The following PXK variants were observed in gnomAD, a reference collection of about 807,000 sequenced individuals.
The protein encoded by PXK is PX domain containing serine/threonine kinase like, also known as PX domain-containing protein kinase-like protein.
PXK carries 35 observed loss-of-function variants against 84.7 expected under a neutral mutation model. The ratio of observed to expected loss-of-function variants is 0.41; its 90% CI spans 0.32 to 0.55. PXK has a LOEUF of 0.55. Ranked by LOEUF, PXK falls within the 20% of genes least tolerant of loss-of-function variation. The pLI is 0.21. For missense variants in PXK, 634 were observed against 699.7 expected (o/e 0.91, Z 1.06); for synonymous variants, 253 against 260.8 (o/e 0.97, Z 0.29).
At chr3:58,377,598 CTCTT>C (rs2098454293) in intron 3 of PXK, among the ~76,000 whole-genome samples, 1 of 145,294 alleles carries the variant, frequency 6.9e-6, no homozygotes, top group Non-Finnish European at 1.5e-5. Flanking sequence ...GAGACCCTAT[CTCTT>C]TCTAAAAAAA....
At chr3:58,376,345 G>C (rs1171209413) in intron 3 of PXK, among the ~76,000 whole-genome samples, 1 of 152,164 alleles carries the variant, frequency 6.6e-6, no homozygotes, top group African/African-American at 2.4e-5. Context: ...AACCCAGGAG[G>C]CGGAGGTTGC....
chr3:58,372,705 C>A (rs574157747), intron 3 of PXK, among the ~76,000 whole-genome samples: 2 of 151,820 alleles, frequency 1.3e-5, no homozygotes, highest in East Asian at 3.9e-4. Context: ...TGGCTCACTG[C>A]AATCTCTGCC....
At chr3:58,340,891 G>C (rs1575669547) in intron 1 of PXK, among the ~76,000 whole-genome samples, 7 of 152,172 alleles carry the variant, frequency 4.6e-5, no homozygotes, top group Admixed American at 4.6e-4. Flanking sequence ...AGCACCCTGA[G>C]AAAGGGGGAA....
At chr3:58,346,770 A>C in intron 1 of PXK, among the ~76,000 whole-genome samples, 1 of 143,696 alleles carries the variant, frequency 7.0e-6, no homozygotes, top group African/African-American at 2.6e-5. Context: ...CGGTCCTCCC[A>C]CTTCAGCCTC....
Position 58,410,076 on chromosome 3 carries a change from T to G in PXK, c.1396-14T>G, listed in dbSNP as rs376430926. The G allele has an allele frequency of 5.8e-6, 9 of 1,554,504 alleles. No homozygotes were observed. Among genetic ancestry groups the G allele is most frequent in the Non-Finnish European group, 8.0e-6 (9 of 1,126,562 alleles). ...TTCCTCTCCCTCCCTCCCCCTTTTCTTTTATTCTTAAAGAAGTCAAAACGA... is the reference window on the plus strand; with the variant it reads ...TTCCTCTCCCTCCCTCCCCCTTTTCGTTTATTCTTAAAGAAGTCAAAACGA... On this transcript the variant is annotated splice_polypyrimidine_tract_variant and intron_variant, in intron 15 of 17. Coordinates refer to ENST00000356151, the MANE Select transcript of PXK (RefSeq NM_017771.5).
At chr3:58,406,172 G>T (rs975935828) in intron 13 of PXK, among the ~76,000 whole-genome samples, 2 of 152,020 alleles carry the variant, frequency 1.3e-5, no homozygotes, top group Admixed American at 1.3e-4. Context: ...TCATTATGTT[G>T]GTCAGGCTGG....
chr3:58,366,056 A>G lies in PXK; in HGVS notation c.153+132A>G, dbSNP rs935403661. 1.3e-5 allele frequency: 10 copies of G among 781,252 alleles called. No individual in the cohort carries two copies. In the South Asian group the frequency reaches 1.7e-4, roughly 13 times the overall value. 48.4% of individuals were successfully genotyped at this position (781,252 alleles called of 1,614,324 possible). On this transcript the variant is annotated intron_variant, in intron 2 of 17. Transcript: ENST00000356151. ...AATATAAATCATGTTTCTTTTAGCTATAAACTTTTAGCTTTAAGACAAGTA... is the reference window on the plus strand; with the variant it reads ...AATATAAATCATGTTTCTTTTAGCTGTAAACTTTTAGCTTTAAGACAAGTA...
rs572208392 is a variant in PXK at position 58,359,446 on chromosome 3, G to A, written c.103-6428G>A. Among the ~76,000 whole-genome samples, 8 of 151,252 alleles carry A rather than the reference G, an allele frequency of 5.3e-5. No homozygotes were observed. In the South Asian group the frequency reaches 1.0e-3, roughly 20 times the overall value. ...CTCGGGAGGCTGAGGTGGGAGAATC[G>A]CTTGAACTAGGGAGTCAGAGGTTGC... On this transcript the variant is annotated intron_variant, in intron 1 of 17. Transcript: ENST00000356151.
At chr3:58,368,054 C>T (rs9860970) in intron 2 of PXK, among the ~76,000 whole-genome samples, 11,074 of 152,128 alleles carry the variant, frequency 0.073, 519 homozygotes, top group South Asian at 0.1. Flanking sequence ...CCAGACTGGT[C>T]TTTAACTCCT....
intron 13 of PXK, among the ~76,000 whole-genome samples, chr3:58,405,738 G>A (rs913402179): frequency 6.7e-6 from 1 of 150,364 alleles, no homozygotes; most frequent in African/African-American, 2.4e-5. Context: ...AGATCATGCC[G>A]GTACACTCCA....
At chr3:58,342,647 A>G (rs113485673) in intron 1 of PXK, among the ~76,000 whole-genome samples, 19 of 138,798 alleles carry the variant, frequency 1.4e-4, no homozygotes, top group Non-Finnish European at 6.0e-5. Flanking sequence ...AAAAAAAAAA[A>G]AAAAGAAAAG....
At position 58,421,227 on chromosome 3, in the gene PXK, G is replaced by A. The variant is rs2107795874; in HGVS notation, c.1529-3525G>A. On this transcript the variant is annotated intron_variant, in intron 17 of 17. Transcript: ENST00000356151. This position sits in a 1 kb window ranked among gnomAD's most constrained non-coding sequence, Gnocchi z 5.5. ...CCTTCCTGTATGTGACCACAAAGGAGCTCAGAATTAGAGAGACTGTAGATT... is the reference window on the plus strand; with the variant it reads ...CCTTCCTGTATGTGACCACAAAGGAACTCAGAATTAGAGAGACTGTAGATT... The A allele has an allele frequency of 1.0e-6, 1 of 985,378 alleles. No individual in the cohort carries two copies. The highest frequency in any genetic ancestry group is 1.2e-6 in the Non-Finnish European group (1 of 829,932). The allele number at this position is 985,378 out of a possible 1,614,324, so 61.0% of individuals were successfully genotyped here.
chr3:58,424,338 A>G (rs1037232470), intron 17 of PXK, among the ~76,000 whole-genome samples: 1 of 152,192 alleles, frequency 6.6e-6, no homozygotes, highest in African/African-American at 2.4e-5. Context: ...GCCCAACTCC[A>G]TCATGCAGAT....
At chr3:58,347,413 A>G (rs557165004) in intron 1 of PXK, among the ~76,000 whole-genome samples, 4 of 152,166 alleles carry the variant, frequency 2.6e-5, no homozygotes, top group Non-Finnish European at 4.4e-5. Context: ...GTCCCTGGGA[A>G]CTACTGATCT....
At chr3:58,360,990 G>A (rs1264921429) in intron 1 of PXK, among the ~76,000 whole-genome samples, 1 of 151,700 alleles carries the variant, frequency 6.6e-6, no homozygotes, top group Non-Finnish European at 1.5e-5. Flanking sequence ...TATTACCTGG[G>A]GAAGCTATTA....
chr3:58,339,212 TGG>T (rs150595638), intron 1 of PXK, among the ~76,000 whole-genome samples: 6,517 of 150,002 alleles, frequency 0.043, 522 homozygotes, highest in African/African-American at 0.15. Flanking sequence ...TTGGGTTTTG[TGG>T]GGGGTTTTTT....
chr3:58,369,566 C>A, intron 3 of PXK, 88 bp downstream of exon 3: 1 of 1,045,996 alleles, frequency 9.6e-7, no homozygotes, highest in Non-Finnish European at 1.5e-6. Flanking sequence ...GGCTCAACGC[C>A]TGTAATCCCA....
chr3:58,378,526 G>T (rs1185410029), intron 3 of PXK, among the ~76,000 whole-genome samples: 13 of 53,230 alleles, frequency 2.4e-4, no homozygotes, highest in African/African-American at 6.2e-4. Flanking sequence ...GTGTGTGTGT[G>T]TGTGTGTGTG....
intron 1 of PXK, among the ~76,000 whole-genome samples, chr3:58,349,701 G>T (rs998034927): frequency 2.6e-5 from 4 of 152,184 alleles, no homozygotes; most frequent in African/African-American, 9.7e-5. Context: ...TAAACAGTCT[G>T]TAACTGCACA....
Sources: gnomAD v4.1 joint callset for allele counts (sites outside exome capture counted in the v4.1 genomes callset) on GRCh38, gnomAD v4.1.1 for gene constraint, Gnocchi (gnomAD v3.1) non-coding constraint, MANE v1.5 for transcripts, NCBI Gene and HGNC (gene_info 2026-07-23, HGNC 2026-07-21) for gene names.